Variants in RYK observed in about 807,000 individuals in gnomAD.
RYK encodes the protein receptor like tyrosine kinase, also known as inactive tyrosine-protein kinase RYK.
A neutral mutation model predicts 70.2 loss-of-function variants in RYK; 21 were observed. That is an observed-to-expected ratio of 0.30 (90% CI 0.21 to 0.43). The LOEUF is 0.43. Among genes scored for constraint, RYK ranks in the 20% least tolerant of loss-of-function variants. RYK has a pLI of 1.00. For missense variants in RYK, 604 were observed against 753.3 expected, an observed-to-expected ratio of 0.80 and a Z score of 2.32; for synonymous variants, 267 against 278.0, an observed-to-expected ratio of 0.96 and a Z score of 0.39.
At chr3:134,169,244 A>G (rs1253134174) in intron 13 of RYK, among the ~76,000 whole-genome samples, 2 of 152,208 alleles carry the variant, frequency 1.3e-5, no homozygotes, top group Non-Finnish European at 2.9e-5. Context: ...AAGAAAACCA[A>G]TAAGAAAGAA....
In RYK at chr3:134,158,011, T is replaced by C. The variant is rs1023260014; in HGVS notation, c.*142A>G. On this transcript the variant is annotated 3_prime_UTR_variant, in exon 15 of 15. Coordinates refer to ENST00000623711, the MANE Select transcript of RYK (RefSeq NM_002958.4). ...TTAAGTCTGTCTTAAAAAGTTCAGA[T>C]TCTAAAGCATTTCTAAGGCACGGTG... The C allele has an allele frequency of 2.7e-5, 11 of 413,816 alleles. No individual in the cohort carries two copies. Among genetic ancestry groups the C allele is most frequent in the Non-Finnish European group, 4.3e-5 (10 of 235,218 alleles). 25.6% of individuals were successfully genotyped at this position (413,816 alleles called of 1,614,324 possible). A position where few individuals can be genotyped will look rare whatever the true frequency, so the allele number is the denominator to read the frequency against.
intron 6 of RYK, among the ~76,000 whole-genome samples, chr3:134,199,424 T>A (rs957198675): frequency 2.6e-5 from 4 of 152,236 alleles, no homozygotes; most frequent in Non-Finnish European, 5.9e-5. Context: ...ATGACAATAG[T>A]GGATTATTAA....
intron 13 of RYK, among the ~76,000 whole-genome samples, chr3:134,165,103 C>T (rs2012615501): frequency 1.3e-5 from 2 of 152,172 alleles, no homozygotes; most frequent in Admixed American, 6.5e-5. Flanking sequence ...TATTGTATAG[C>T]TCTTTCACAT....
At chr3:134,218,686 G>T (rs1445191831) in intron 2 of RYK, among the ~76,000 whole-genome samples, 3 of 152,156 alleles carry the variant, frequency 2.0e-5, no homozygotes, top group Admixed American at 1.3e-4. Context: ...GATCATAAAG[G>T]CCTCCTACGA....
Position 134,157,192 on chromosome 3 carries a change from C to T in RYK, c.*961G>A, listed in dbSNP as rs14533. 0.086 allele frequency: 13,082 copies of T among 152,622 alleles called. 1,156 individuals carry two copies. The highest frequency in any genetic ancestry group is 0.32 in the South Asian group (1,545 of 4,818). 9.5% of individuals were successfully genotyped at this position (152,622 alleles called of 1,614,324 possible). ...TTAAAAAACAATTTTATACTTAAGC[C>T]AGCCTTGAAGATAAGCACAAAATTT... On this transcript the variant is annotated 3_prime_UTR_variant, in exon 15 of 15. Transcript: ENST00000623711.
chr3:134,201,391 T>C (rs1267232428), intron 6 of RYK, among the ~76,000 whole-genome samples: 2 of 152,208 alleles, frequency 1.3e-5, no homozygotes, highest in African/African-American at 4.8e-5. Flanking sequence ...CAGCTGCATG[T>C]TAAGACTAAT....
intron 13 of RYK, among the ~76,000 whole-genome samples, chr3:134,170,159 T>G (rs899644679): frequency 2.0e-5 from 3 of 152,206 alleles, no homozygotes; most frequent in African/African-American, 7.2e-5. Flanking sequence ...TATGTGTGTG[T>G]GGGATTGTAT....
chr3:134,170,058 C>T (rs190084917), intron 13 of RYK, among the ~76,000 whole-genome samples: 10 of 152,236 alleles, frequency 6.6e-5, no homozygotes, highest in East Asian at 3.9e-4. Flanking sequence ...GACTTTTACA[C>T]GAACAGTCAC....
chr3:134,201,989 G>T (rs537562854), intron 6 of RYK, among the ~76,000 whole-genome samples: 2 of 152,156 alleles, frequency 1.3e-5, no homozygotes, highest in Non-Finnish European at 2.9e-5. Flanking sequence ...ACTGAGGCTG[G>T]ACAAGCACCT....
intron 13 of RYK, among the ~76,000 whole-genome samples, chr3:134,164,666 G>A (rs1010200400): frequency 2.0e-5 from 3 of 152,244 alleles, no homozygotes; most frequent in Non-Finnish European, 2.9e-5. Context: ...ATAAGCATTT[G>A]AATTATGTTC....
chr3:134,191,248 C>T (rs1162914337), intron 8 of RYK, among the ~76,000 whole-genome samples: 1 of 152,196 alleles, frequency 6.6e-6, no homozygotes, highest in Non-Finnish European at 1.5e-5. Flanking sequence ...AAGCAAGGCC[C>T]AGTGAGAGGT....
At chr3:134,245,880 C>G (rs543396076) in intron 1 of RYK, among the ~76,000 whole-genome samples, 1 of 152,266 alleles carries the variant, frequency 6.6e-6, no homozygotes, top group South Asian at 2.1e-4. Context: ...AGTCACTAGA[C>G]CACCAATACA....
intron 4 of RYK, among the ~76,000 whole-genome samples, chr3:134,208,635 T>C (rs751617101): frequency 6.6e-6 from 1 of 152,220 alleles, no homozygotes; most frequent in Non-Finnish European, 1.5e-5. Context: ...AACTCACTTG[T>C]TGGCCTTAGG....
chr3:134,165,275 T>G (rs946175209), intron 13 of RYK, among the ~76,000 whole-genome samples: 9 of 152,248 alleles, frequency 5.9e-5, no homozygotes, highest in Non-Finnish European at 8.8e-5. Context: ...AGCTTTTTTG[T>G]ATATCATACT....
At chr3:134,165,435 A>G (rs548721812) in intron 13 of RYK, among the ~76,000 whole-genome samples, 82 of 152,346 alleles carry the variant, frequency 5.4e-4, no homozygotes, top group African/African-American at 1.7e-3. Flanking sequence ...TGTTCCTGGT[A>G]TTAAATAAAA....
chr3:134,233,838 A>T (rs773300513), intron 1 of RYK, among the ~76,000 whole-genome samples: 1 of 152,218 alleles, frequency 6.6e-6, no homozygotes, highest in African/African-American at 2.4e-5. Flanking sequence ...TGCTTAGAAT[A>T]TAACAGTAAA....
rs545045604 is a variant in RYK, at chr3:134,166,729, G to A, written c.1576-7356C>T. Among the ~76,000 whole-genome samples the A allele has an allele frequency of 3.3e-5, 5 of 152,296 alleles. No individual in the cohort carries two copies. The East Asian group carries it at 9.6e-4, about 29-fold the overall frequency. On this transcript the variant is annotated intron_variant, in intron 13 of 14. Transcript: ENST00000623711. ...TCTCTTTAAAGGAATGTAAAGAGTTGTTTACAAGATTTTATCAGTAAATTA... is the reference window on the plus strand; with the variant it reads ...TCTCTTTAAAGGAATGTAAAGAGTTATTTACAAGATTTTATCAGTAAATTA...
chr3:134,173,189 G>A (rs1172235426), intron 13 of RYK, among the ~76,000 whole-genome samples: 1 of 151,958 alleles, frequency 6.6e-6, no homozygotes, highest in African/African-American at 2.4e-5. Context: ...GCTGAGGCAG[G>A]AGAATCGCAT....
intron 6 of RYK, among the ~76,000 whole-genome samples, chr3:134,195,855 A>G (rs2013794844): frequency 1.3e-5 from 2 of 152,108 alleles, no homozygotes; most frequent in South Asian, 4.1e-4. Context: ...CTGATGCAGG[A>G]GAATCGCTTG....
Sources: allele counts gnomAD v4.1 joint callset (sites outside exome capture counted in the v4.1 genomes callset), GRCh38; gene constraint gnomAD v4.1.1; transcripts MANE v1.5; gene names NCBI Gene and HGNC (gene_info 2026-07-23, HGNC 2026-07-21).